The following CAMK4 variants were observed in gnomAD, a reference collection of about 807,000 sequenced individuals.
The protein encoded by CAMK4 is calcium/calmodulin-dependent protein kinase type IV.
Under a neutral mutation model 44.9 loss-of-function variants are expected in CAMK4, and 22 were observed. The observed-to-expected ratio is 0.49, with a 90% CI of 0.35 to 0.70. CAMK4 has a LOEUF of 0.70. CAMK4 is among the 30% of genes least tolerant of loss of function. CAMK4 has a pLI of 0.01. For missense variants in CAMK4, 498 were observed against 586.8 expected (o/e 0.85, Z 1.56); for synonymous variants, 218 against 215.4 (o/e 1.01, Z -0.11).
Position 111,224,436 on chromosome 5 carries a change from G to A in CAMK4, c.-48G>A. The A allele has an allele frequency of 2.6e-6, 4 of 1,538,834 alleles. No homozygotes were observed. Among genetic ancestry groups the A allele is most frequent in the Non-Finnish European group, 3.5e-6 (4 of 1,146,030 alleles). ...CGGCTGGCGGCCGGCTTCTCGCTCGGGCAGCGGCGGCGGCGGCGGCGGCGG... is the reference window on the plus strand; with the variant it reads ...CGGCTGGCGGCCGGCTTCTCGCTCGAGCAGCGGCGGCGGCGGCGGCGGCGG... On this transcript the variant is annotated 5_prime_UTR_variant, in exon 1 of 11. Transcript: ENST00000282356. This position sits in a 1 kb window ranked among gnomAD's most constrained non-coding sequence, Gnocchi z 5.7.
Position 111,473,381 on chromosome 5 carries a change from C to T in CAMK4, c.696C>T (p.Tyr232=). ...TGTGGTCTGTAGGAATAATCACCTA[C>T]ATCTTGTAAGTGAAGAAAAGCAATA... The part of the protein sequence containing the change: ...VDMWSVGIIT[Y]ILLCGFEPFY... Residue 232 remains tyrosine, a synonymous_variant, in exon 8 of 11, where the codon TAC becomes TAT. Transcript: ENST00000282356. 1 of 1,597,942 alleles carries T rather than the reference C, an allele frequency of 6.3e-7. No homozygotes were observed. The highest frequency in any genetic ancestry group is 8.6e-7 in the Non-Finnish European group (1 of 1,165,982).
intron 1 of CAMK4, among the ~76,000 whole-genome samples, chr5:111,273,092 T>G (rs916812756): frequency 3.3e-5 from 5 of 152,176 alleles, no homozygotes; most frequent in Non-Finnish European, 5.9e-5. Flanking sequence ...GTTGTCATGT[T>G]GGACACATTA....
At chr5:111,261,660 C>A (rs556860660) in intron 1 of CAMK4, among the ~76,000 whole-genome samples, 1 of 151,380 alleles carries the variant, frequency 6.6e-6, no homozygotes, top group South Asian at 2.1e-4. Context: ...GTTTATCATG[C>A]AAAAGTTGGA....
intron 1 of CAMK4, among the ~76,000 whole-genome samples, chr5:111,325,453 G>A (rs1404822965): frequency 6.6e-6 from 1 of 152,038 alleles, no homozygotes; most frequent in Non-Finnish European, 1.5e-5. Context: ...CTTCCACAAT[G>A]GTTGAACTAA....
chr5:111,225,149 C>G (rs552161606), intron 1 of CAMK4, among the ~76,000 whole-genome samples: 2 of 152,282 alleles, frequency 1.3e-5, no homozygotes, highest in East Asian at 3.9e-4. Context: ...AGAGTCTGCT[C>G]AGGAGTGAAG....
intron 7 of CAMK4, among the ~76,000 whole-genome samples, chr5:111,469,257 G>A (rs1337803904): frequency 7.8e-6 from 1 of 127,518 alleles, no homozygotes; most frequent in East Asian, 2.5e-4. Context: ...TTTTGACTTT[G>A]TTTCACCCCA....
chr5:111,318,249 T>C (rs1748516715), intron 1 of CAMK4, among the ~76,000 whole-genome samples: 1 of 152,188 alleles, frequency 6.6e-6, no homozygotes, highest in South Asian at 2.1e-4. Context: ...GATTTAAAGT[T>C]GGCAAAGTGT....
At chr5:111,464,419 A>G (rs887202841) in intron 7 of CAMK4, among the ~76,000 whole-genome samples, 4 of 152,224 alleles carry the variant, frequency 2.6e-5, no homozygotes, top group Admixed American at 2.0e-4. Context: ...TATTTGTGGG[A>G]ATAGTTGAGG....
At chr5:111,287,631 A>G (rs145997416) in intron 1 of CAMK4, among the ~76,000 whole-genome samples, 19 of 152,304 alleles carry the variant, frequency 1.2e-4, no homozygotes, top group African/African-American at 4.6e-4. Context: ...TTTCATATTT[A>G]ATACTTTAAA....
At chr5:111,434,846 G>T (rs1265567138) in intron 5 of CAMK4, among the ~76,000 whole-genome samples, 1 of 152,084 alleles carries the variant, frequency 6.6e-6, no homozygotes, top group Non-Finnish European at 1.5e-5. Context: ...AGAAAACTGT[G>T]GTCAGAATAC....
chr5:111,334,254 A>C (rs1002850150), intron 1 of CAMK4, among the ~76,000 whole-genome samples: 1 of 151,604 alleles, frequency 6.6e-6, no homozygotes, highest in Non-Finnish European at 1.5e-5. Flanking sequence ...CACGTTGTAG[A>C]CTGAAAATGT....
At chr5:111,234,569 G>C (rs1208226690) in intron 1 of CAMK4, among the ~76,000 whole-genome samples, 1 of 152,214 alleles carries the variant, frequency 6.6e-6, no homozygotes, top group East Asian at 1.9e-4. Flanking sequence ...GCCAACTGCT[G>C]GCTTAGGCAG....
chr5:111,409,164 C>G (rs902940665), intron 5 of CAMK4, among the ~76,000 whole-genome samples: 2 of 152,192 alleles, frequency 1.3e-5, no homozygotes, highest in Non-Finnish European at 2.9e-5. Flanking sequence ...CCTATATTTC[C>G]CCTCTGCACT....
intron 4 of CAMK4, among the ~76,000 whole-genome samples, chr5:111,383,022 C>T (rs1751475187): frequency 6.6e-6 from 1 of 152,132 alleles, no homozygotes; most frequent in Non-Finnish European, 1.5e-5. Context: ...TTTACTTTTT[C>T]TAGAAGCTTG....
intron 1 of CAMK4, among the ~76,000 whole-genome samples, chr5:111,312,294 T>C (rs1452175724): frequency 6.6e-6 from 1 of 152,152 alleles, no homozygotes; most frequent in African/African-American, 2.4e-5. Flanking sequence ...TAGACTTTAA[T>C]ACTAGAGAGA....
At chr5:111,467,569 A>G (rs986422531) in intron 7 of CAMK4, among the ~76,000 whole-genome samples, 22 of 152,168 alleles carry the variant, frequency 1.4e-4, no homozygotes, top group Non-Finnish European at 7.4e-5. Flanking sequence ...TCAAAAGAAG[A>G]TATACAAATG....
chr5:111,431,545 A>G (rs1035737665), intron 5 of CAMK4, among the ~76,000 whole-genome samples: 2 of 152,200 alleles, frequency 1.3e-5, no homozygotes, highest in Non-Finnish European at 2.9e-5. Flanking sequence ...CTGCACGGAA[A>G]AGGATACAGT....
intron 7 of CAMK4, among the ~76,000 whole-genome samples, chr5:111,463,450 A>G (rs1754711339): frequency 6.6e-6 from 1 of 152,196 alleles, no homozygotes. Context: ...TGGGAGCTCT[A>G]GGCTCTACCT....
At chr5:111,466,761 C>T (rs1050530356) in intron 7 of CAMK4, among the ~76,000 whole-genome samples, 3 of 152,052 alleles carry the variant, frequency 2.0e-5, no homozygotes, top group Admixed American at 2.0e-4. Context: ...TGAAAATGAC[C>T]ACATTGTCAA....
Sources: allele counts gnomAD v4.1 joint callset (sites outside exome capture counted in the v4.1 genomes callset), GRCh38; gene constraint gnomAD v4.1.1; non-coding constraint Gnocchi (gnomAD v3.1); transcripts MANE v1.5; gene names NCBI Gene and HGNC (gene_info 2026-07-23, HGNC 2026-07-21).